The following MARVELD2 variants were observed in gnomAD, a reference collection of about 807,000 sequenced individuals.
MARVELD2 encodes MARVEL domain containing 2, also known as MARVEL domain-containing protein 2.
Under a neutral mutation model 57.6 loss-of-function variants are expected in MARVELD2, and 49 were observed. The ratio of observed to expected loss-of-function variants is 0.85; its 90% confidence interval spans 0.68 to 1.08. MARVELD2 has a LOEUF of 1.08. MARVELD2 is among the 50% of genes least tolerant of loss of function. The probability of loss-of-function intolerance (pLI) is 0.00; values close to 1 mark genes in which losing one functional copy is unlikely to be tolerated. For synonymous variants in MARVELD2, 238 were observed against 258.8 expected, an observed-to-expected ratio of 0.92 and a Z score of 0.77; for missense variants, 606 against 701.1, an observed-to-expected ratio of 0.86 and a Z score of 1.53.
intron 3 of MARVELD2, among the ~76,000 whole-genome samples, chr5:69,425,582 A>G (rs1012553498): frequency 4.0e-5 from 6 of 151,608 alleles, no homozygotes; most frequent in African/African-American, 1.5e-4. Context: ...TTGAAATTTA[A>G]TTATTTTTTA....
At chr5:69,437,408 G>C (rs1767186255) in intron 5 of MARVELD2, among the ~76,000 whole-genome samples, 2 of 145,252 alleles carry the variant, frequency 1.4e-5, no homozygotes, top group South Asian at 4.3e-4. Flanking sequence ...AAAAAAGCTG[G>C]GTGCGGTGGC....
In MARVELD2 at chr5:69,441,778, G is replaced by A. The variant is rs535297949; in HGVS notation, c.*124G>A. The A allele has an allele frequency of 1.5e-6, 1 of 666,162 alleles. No homozygotes were observed. Among genetic ancestry groups the A allele is most frequent in the East Asian group, 3.3e-5 (1 of 30,134 alleles). 41.3% of individuals were successfully genotyped at this position (666,162 alleles called of 1,614,324 possible). A position where few individuals can be genotyped will look rare whatever the true frequency, so the allele number is the denominator to read the frequency against. Reference sequence around the variant, plus strand: ...GCTCACTGCAACCTCCACCTCCCGGGTTCAAGCAATTCTCCTGTTCAAGCA... The same window carrying A: ...GCTCACTGCAACCTCCACCTCCCGGATTCAAGCAATTCTCCTGTTCAAGCA... On this transcript the variant is annotated 3_prime_UTR_variant, in exon 7 of 7. Transcript: ENST00000325631.
chr5:69,430,627 G>A (rs1217763715), intron 3 of MARVELD2, among the ~76,000 whole-genome samples: 3 of 151,746 alleles, frequency 2.0e-5, no homozygotes, highest in African/African-American at 4.8e-5. Flanking sequence ...TCCGCCTCCC[G>A]GGCTCAAGCC....
intron 2 of MARVELD2, among the ~76,000 whole-genome samples, chr5:69,424,220 G>A (rs1766712343): frequency 6.6e-6 from 1 of 152,126 alleles, no homozygotes. Context: ...ACTTCCTAAA[G>A]GTTAGAAGAT....
In MARVELD2 at chr5:69,443,548, A is replaced by G. The variant is rs1461153572; in HGVS notation, c.*1894A>G. 1 of 152,138 alleles carries G rather than the reference A, an allele frequency of 6.6e-6. No homozygotes were observed. The highest frequency in any genetic ancestry group is 1.9e-4 in the East Asian group (1 of 5,198). The allele number at this position is 152,138 out of a possible 1,614,324, so 9.4% of individuals were successfully genotyped here. ...TATCTTGGCTTTGGACTTTATTCAT[A>G]AATGTTTTATTTCTGTTAGTATGAA... On this transcript the variant is annotated 3_prime_UTR_variant, in exon 7 of 7. Coordinates refer to ENST00000325631, the MANE Select transcript of MARVELD2 (RefSeq NM_001038603.3).
intron 1 of MARVELD2, among the ~76,000 whole-genome samples, chr5:69,415,943 C>T (rs1216065829): frequency 6.6e-6 from 1 of 152,226 alleles, no homozygotes; most frequent in Non-Finnish European, 1.5e-5. Context: ...TTAGGGGTAT[C>T]CAGATATTTA....
At position 69,420,146 on chromosome 5, in the gene MARVELD2, C is replaced by G; in HGVS notation, c.761C>G (p.Pro254Arg). Residue 254 changes from proline to arginine, a missense_variant, in exon 2 of 7, where the codon CCT (proline) becomes CGT (arginine). Pro to Arg is a moderately radical substitution (Grantham distance 103, BLOSUM62 -2). Coordinates refer to ENST00000325631, the MANE Select transcript of MARVELD2 (RefSeq NM_001038603.3). ...GGYYYTGPKT[P>R]FVLVVAGLAW... ...TATTACTACACTGGCCCTAAGACCC[C>G]TTTTGTACTCGTGGTTGCTGGATTA... The G allele has an allele frequency of 1.9e-6, 3 of 1,614,100 alleles. No homozygotes were observed. The highest frequency in any genetic ancestry group is 2.5e-6 in the Non-Finnish European group (3 of 1,180,028).
At chr5:69,433,749 C>G (rs557714591) in intron 5 of MARVELD2, 2 of 152,974 alleles carry the variant, frequency 1.3e-5, no homozygotes, top group African/African-American at 2.4e-5. Flanking sequence ...GGAGCCACCA[C>G]GCCTGGCCCC....
intron 2 of MARVELD2, among the ~76,000 whole-genome samples, chr5:69,422,958 C>CA (rs1321778423): frequency 2.6e-5 from 4 of 152,200 alleles, no homozygotes; most frequent in African/African-American, 7.2e-5. Context: ...AGTGCAGTGG[C>CA]ACAATCTCTG....
At chr5:69,437,154 A>G (rs1767170277) in intron 5 of MARVELD2, among the ~76,000 whole-genome samples, 1 of 147,910 alleles carries the variant, frequency 6.8e-6, no homozygotes, top group East Asian at 2.0e-4. Context: ...GTGCCACTAC[A>G]CTCCAGCCTG....
chr5:69,427,404 C>CTT (rs913822973), intron 3 of MARVELD2, among the ~76,000 whole-genome samples: 3 of 140,826 alleles, frequency 2.1e-5, no homozygotes, highest in African/African-American at 5.2e-5. Flanking sequence ...ATATCTTTTC[C>CTT]TTTTTTTTTT....
chr5:69,441,701 G>T lies in MARVELD2; in HGVS notation c.*47G>T. On this transcript the variant is annotated 3_prime_UTR_variant, in exon 7 of 7. Transcript: ENST00000325631. ...TTTTTTTATTTTATTTTATTTTTTT[G>T]AGATGAAGTCTCGCTCTGTTACCCA... 1 of 1,354,066 alleles carries T rather than the reference G, an allele frequency of 7.4e-7. No homozygotes were observed. The allele number at this position is 1,354,066 out of a possible 1,614,324, so 83.9% of individuals were successfully genotyped here. A position where few individuals can be genotyped will look rare whatever the true frequency, so the allele number is the denominator to read the frequency against.
In MARVELD2 at chr5:69,434,884, G is replaced by A. The variant is rs575901362; in HGVS notation, c.1503+1791G>A. Among the ~76,000 whole-genome samples, 323 of 151,990 alleles carry A rather than the reference G, an allele frequency of 2.1e-3. 1 individual carries two copies. Among genetic ancestry groups the A allele is most frequent in the Non-Finnish European group, 4.0e-3 (272 of 67,968 alleles). On this transcript the variant is annotated intron_variant, in intron 5 of 6. Transcript: ENST00000325631. The stretch of plus-strand genomic sequence containing the variant: ...CTAATTTTGTATTTTTAGTAGAGAC[G>A]GGGTTTCACCATGGTGGTTAGGCTG...
intron 5 of MARVELD2, among the ~76,000 whole-genome samples, chr5:69,434,737 C>A (rs1047198546): frequency 6.6e-6 from 1 of 151,920 alleles, no homozygotes; most frequent in African/African-American, 2.4e-5. Context: ...GCTCTTGTTG[C>A]CCAGGCTGGA....
intron 1 of MARVELD2, among the ~76,000 whole-genome samples, chr5:69,416,771 G>A (rs1276643192): frequency 1.3e-5 from 2 of 152,142 alleles, no homozygotes; most frequent in Non-Finnish European, 2.9e-5. Flanking sequence ...TCTAGCATTT[G>A]ACCTCTTCTC....
intron 1 of MARVELD2, chr5:69,419,151 C>T (rs1211273775): frequency 3.3e-6 from 2 of 598,408 alleles, no homozygotes; most frequent in Non-Finnish European, 5.9e-6. Flanking sequence ...GTCTCAAACT[C>T]CTGACCTGAA....
intron 3 of MARVELD2, among the ~76,000 whole-genome samples, chr5:69,425,222 T>C (rs1216420804): frequency 3.8e-5 from 5 of 131,994 alleles, no homozygotes; most frequent in African/African-American, 1.3e-4. Context: ...GGAAGGGGAT[T>C]ATCACACTCT....
At chr5:69,417,341 C>T (rs940356900) in intron 1 of MARVELD2, among the ~76,000 whole-genome samples, 2 of 152,108 alleles carry the variant, frequency 1.3e-5, no homozygotes, top group African/African-American at 2.4e-5. Context: ...TCAATCTGCC[C>T]GGCACTCCCC....
intron 1 of MARVELD2, 72 bp downstream of exon 1, chr5:69,415,242 CG>C (rs1679505108): frequency 6.6e-6 from 1 of 152,300 alleles, no homozygotes; most frequent in African/African-American, 2.4e-5. Flanking sequence ...AGGTGTGCTG[CG>C]ACGGACGGCT....
Sources: gnomAD v4.1 joint callset for allele counts (sites outside exome capture counted in the v4.1 genomes callset) on GRCh38, gnomAD v4.1.1 for gene constraint, MANE v1.5 for transcripts, NCBI Gene and HGNC (gene_info 2026-07-23, HGNC 2026-07-21) for gene names.